POP1: variants seen among roughly 807,000 people sequenced by gnomAD.
The protein encoded by POP1 is POP1 ribonuclease P/MRP subunit.
In POP1, 75 loss-of-function variants were observed where a neutral mutation model predicts 102.2. That is an observed-to-expected ratio of 0.73 (90% CI 0.61 to 0.89). The LOEUF (loss-of-function observed/expected upper bound fraction) is 0.89, where lower values mean the gene tolerates loss of function less well. POP1 is among the 40% of genes least tolerant of loss of function. The probability of loss-of-function intolerance (pLI) is 0.00; values close to 1 mark genes in which losing one functional copy is unlikely to be tolerated. For synonymous variants in POP1, 436 were observed against 464.1 expected (o/e 0.94, Z 0.78); for missense variants, 1,116 against 1,267.4 (o/e 0.88, Z 1.81).
At chr8:98,143,684 C>T (rs1265944496) in intron 11 of POP1, among the ~76,000 whole-genome samples, 2 of 152,096 alleles carry the variant, frequency 1.3e-5, no homozygotes, top group Admixed American at 6.5e-5. Context: ...ATTCACTGCC[C>T]CCCAAATCCT....
At chr8:98,133,188 G>A (rs557500525) in intron 5 of POP1, among the ~76,000 whole-genome samples, 23 of 152,212 alleles carry the variant, frequency 1.5e-4, no homozygotes, top group African/African-American at 4.6e-4. Flanking sequence ...CTGTACTCTA[G>A]CACTGGCAAC....
intron 11 of POP1, among the ~76,000 whole-genome samples, chr8:98,143,586 A>G (rs1816764647): frequency 6.6e-6 from 1 of 152,116 alleles, no homozygotes. Context: ...AGTTTGTATT[A>G]AGGTCCACTC....
intron 12 of POP1, 88 bp from the exon 13 acceptor site, chr8:98,148,727 A>G: frequency 8.7e-7 from 1 of 1,144,732 alleles, no homozygotes; most frequent in South Asian, 1.4e-5. Context: ...AAGAGCATTT[A>G]ATTTTCTAAA....
chr8:98,119,872 C>T (rs1028398329), intron 1 of POP1, among the ~76,000 whole-genome samples: 3 of 152,186 alleles, frequency 2.0e-5, no homozygotes, highest in Non-Finnish European at 4.4e-5. Flanking sequence ...CCACACCAGG[C>T]CTCTGGAAAC....
At chr8:98,126,092 G>T (rs150054684) in intron 2 of POP1, among the ~76,000 whole-genome samples, 1 of 149,602 alleles carries the variant, frequency 6.7e-6, no homozygotes, top group South Asian at 2.1e-4. Flanking sequence ...CAAGTGATCT[G>T]CCCACCTTGG....
intron 3 of POP1, 59 bp downstream of exon 3, chr8:98,127,821 G>A (rs1344639628): frequency 2.6e-6 from 4 of 1,548,046 alleles, no homozygotes; most frequent in Admixed American, 3.3e-5. Context: ...GTCTAGTGCA[G>A]CAACAAACTG....
At position 98,158,172 on chromosome 8, in the gene POP1, T is replaced by A. The variant is rs759104590; in HGVS notation, c.2976T>A (p.Asp992Glu). The stretch of plus-strand genomic sequence containing the variant: ...TTGTTAGCTTGACAGGCTTGCTGGA[T>A]ATGCTGTCCAGCCAGCCTGCAGCGC... ...LGFVSLTGLL[D>E]MLSSQPAAQR... Residue 992 changes from aspartate to glutamate, a missense_variant, in exon 16 of 16, where the codon GAT (aspartate) becomes GAA (glutamate). By Grantham distance (45) the Asp-to-Glu change is conservative. Coordinates refer to ENST00000401707, the MANE Select transcript of POP1 (RefSeq NM_001145860.2). 9.9e-6 allele frequency: 16 copies of A among 1,611,364 alleles called. No homozygotes were observed. Among genetic ancestry groups the A allele is most frequent in the Non-Finnish European group, 2.5e-6 (3 of 1,179,512 alleles).
intron 15 of POP1, among the ~76,000 whole-genome samples, chr8:98,157,058 C>T (rs1483574792): frequency 4.6e-5 from 7 of 151,672 alleles, no homozygotes; most frequent in African/African-American, 9.7e-5. Context: ...CATGCCACCA[C>T]GCCTGGCTAA....
intron 14 of POP1, among the ~76,000 whole-genome samples, chr8:98,154,931 C>T (rs866908172): frequency 6.6e-6 from 1 of 152,022 alleles, no homozygotes; most frequent in African/African-American, 2.4e-5. Context: ...ACCTAGTATG[C>T]TGCTATTTGT....
intron 3 of POP1, 100 bp downstream of exon 3, chr8:98,127,862 T>C: frequency 1.6e-6 from 2 of 1,270,480 alleles, no homozygotes; most frequent in Non-Finnish European, 2.3e-6. Flanking sequence ...CTGCCTCCCC[T>C]ACCTCTCCTC....
At chr8:98,140,250 A>C (rs1417969928) in intron 10 of POP1, 61 bp downstream of exon 10, 1 of 1,352,986 alleles carries the variant, frequency 7.4e-7, no homozygotes, top group Non-Finnish European at 1.1e-6. Context: ...AGCCTTTTGC[A>C]GTTGGGCCTC....
Position 98,144,041 on chromosome 8 carries a change from A to G in POP1, c.1595-2527A>G, listed in dbSNP as rs534586609. 1.2e-3 allele frequency among the ~76,000 whole-genome samples: 185 copies of G among 151,868 alleles called. 1 individual carries two copies. In the Middle Eastern group the frequency reaches 0.021, roughly 17 times the overall value. On this transcript the variant is annotated intron_variant, in intron 11 of 15. Transcript: ENST00000401707. ...CATGGTGGTGGGTGCCTATAATCCC[A>G]GCTACTTGGGAGGCCAAGGCAGGAG...
chr8:98,151,337 T>C (rs1809508771), intron 14 of POP1, among the ~76,000 whole-genome samples: 1 of 152,246 alleles, frequency 6.6e-6, no homozygotes, highest in Non-Finnish European at 1.5e-5. Flanking sequence ...GGCCTTGGCC[T>C]CCCAAAGTGC....
chr8:98,153,224 C>T (rs977650180), intron 14 of POP1, among the ~76,000 whole-genome samples: 1 of 152,208 alleles, frequency 6.6e-6, no homozygotes, highest in Non-Finnish European at 1.5e-5. Flanking sequence ...CCCATCCCAG[C>T]CTCCCAAAAT....
intron 2 of POP1, among the ~76,000 whole-genome samples, chr8:98,127,301 C>T (rs1816232401): frequency 6.6e-6 from 1 of 152,122 alleles, no homozygotes; most frequent in East Asian, 1.9e-4. Flanking sequence ...ATTTGAAATT[C>T]ATGTTGCACC....
At chr8:98,122,534 C>G (rs1313933057) in intron 1 of POP1, among the ~76,000 whole-genome samples, 1 of 152,130 alleles carries the variant, frequency 6.6e-6, no homozygotes, top group Non-Finnish European at 1.5e-5. Flanking sequence ...GAAGGGCTTC[C>G]AGGACCATCC....
rs904873944 is a variant in POP1, at chr8:98,148,725, T to C, written c.1711-90T>C. 8.0e-6 allele frequency: 9 copies of C among 1,129,738 alleles called. No homozygotes were observed. In the African/African-American group the frequency reaches 1.4e-4, roughly 18 times the overall value. 70.0% of individuals were successfully genotyped at this position (1,129,738 alleles called of 1,614,324 possible). On this transcript the variant is annotated intron_variant, in intron 12 of 15. Coordinates refer to ENST00000401707, the MANE Select transcript of POP1 (RefSeq NM_001145860.2). Reference sequence around the variant, plus strand: ...TTCTCTTGCTTTTTTAAAAGAGCATTTAATTTTCTAAAGCTGCTTATAGGG... The same window carrying C: ...TTCTCTTGCTTTTTTAAAAGAGCATCTAATTTTCTAAAGCTGCTTATAGGG...
At chr8:98,131,321 A>G (rs77645195) in intron 5 of POP1, among the ~76,000 whole-genome samples, 4,432 of 152,220 alleles carry the variant, frequency 0.029, 228 homozygotes, top group African/African-American at 0.1. Context: ...ATTTGATCCT[A>G]TAGGTGCTTC....
intron 11 of POP1, among the ~76,000 whole-genome samples, chr8:98,144,541 C>T (rs1250515223): frequency 6.6e-6 from 1 of 152,182 alleles, no homozygotes; most frequent in African/African-American, 2.4e-5. Flanking sequence ...TCCCAAAGTG[C>T]TAGGATTACA....
Sources: allele counts gnomAD v4.1 joint callset (sites outside exome capture counted in the v4.1 genomes callset), GRCh38; gene constraint gnomAD v4.1.1; transcripts MANE v1.5; gene names NCBI Gene and HGNC (gene_info 2026-07-23, HGNC 2026-07-21).